RPS6KC1: variants seen among roughly 807,000 people sequenced by gnomAD.
The protein encoded by RPS6KC1 is ribosomal protein S6 kinase C1.
In RPS6KC1, 54 loss-of-function variants were observed where a neutral mutation model predicts 103.8. The ratio of observed to expected loss-of-function variants is 0.52; its 90% CI spans 0.42 to 0.65. RPS6KC1 has a LOEUF of 0.65. Ranked by LOEUF, RPS6KC1 falls within the 30% of genes least tolerant of loss-of-function variation. The pLI is 0.00. For synonymous variants in RPS6KC1, 439 were observed against 438.7 expected, an observed-to-expected ratio of 1.00 and a Z score of -0.01; for missense variants, 1,151 against 1,253.8, an observed-to-expected ratio of 0.92 and a Z score of 1.24.
At chr1:213,765,579 T>C in the RPS6KC1 span, among the ~76,000 whole-genome samples, 1 of 152,322 alleles carries the variant, frequency 6.6e-6, no homozygotes, top group South Asian at 2.1e-4. Flanking sequence ...AGTACAGCTC[T>C]GTCATAGACT....
the RPS6KC1 span, among the ~76,000 whole-genome samples, chr1:213,751,288 G>A: frequency 1.8e-4 from 27 of 152,048 alleles, no homozygotes; most frequent in Non-Finnish European, 2.6e-4. Flanking sequence ...TTACGTTGGT[G>A]GTGCATTTGC....
At chr1:213,612,454 C>T in the RPS6KC1 span, among the ~76,000 whole-genome samples, 1 of 152,210 alleles carries the variant, frequency 6.6e-6, no homozygotes, top group Admixed American at 6.5e-5. Context: ...AGTATAGTCT[C>T]AGTGGCTGGG....
the RPS6KC1 span, among the ~76,000 whole-genome samples, chr1:213,672,052 T>C: frequency 2.6e-5 from 4 of 152,170 alleles, no homozygotes; most frequent in African/African-American, 9.7e-5. Flanking sequence ...TCATTCTTAC[T>C]TCTACTATCC....
the RPS6KC1 span, among the ~76,000 whole-genome samples, chr1:213,505,250 C>A: frequency 6.6e-6 from 1 of 152,130 alleles, no homozygotes; most frequent in Admixed American, 6.5e-5. Context: ...AAAAGAACCA[C>A]CCAGACTACC....
At chr1:213,180,851 T>C (rs2092225168) in intron 8 of RPS6KC1, among the ~76,000 whole-genome samples, 2 of 152,178 alleles carry the variant, frequency 1.3e-5, no homozygotes, top group Admixed American at 6.5e-5. Context: ...AGAGTCTAGA[T>C]TGGTAGTTTG....
the RPS6KC1 span, among the ~76,000 whole-genome samples, chr1:213,623,539 A>G: frequency 1.3e-5 from 2 of 152,210 alleles, no homozygotes; most frequent in Non-Finnish European, 2.9e-5. Context: ...ATACATAAAT[A>G]GATAAGACCA....
the RPS6KC1 span, among the ~76,000 whole-genome samples, chr1:213,743,623 C>T: frequency 1.3e-5 from 2 of 152,226 alleles, no homozygotes; most frequent in Non-Finnish European, 2.9e-5. Context: ...GGCCATCAGA[C>T]ACTCCAAACA....
the RPS6KC1 span, among the ~76,000 whole-genome samples, chr1:213,489,606 A>G: frequency 6.6e-6 from 1 of 152,214 alleles, no homozygotes; most frequent in Non-Finnish European, 1.5e-5. Flanking sequence ...AGAGAGATAG[A>G]GGAACAAAAT....
chr1:213,151,783 ACC>A (rs528454722), intron 6 of RPS6KC1, among the ~76,000 whole-genome samples: 10 of 89,986 alleles, frequency 1.1e-4, no homozygotes, highest in East Asian at 3.5e-4. Flanking sequence ...CGGGGGGCTG[ACC>A]CCCCCCACCT....
In RPS6KC1 at chr1:213,230,589, C is replaced by T. The variant is rs556300788; in HGVS notation, c.1092+45C>T. The T allele has an allele frequency of 7.8e-5, 114 of 1,457,794 alleles. No homozygotes were observed. In the South Asian group the frequency reaches 1.3e-3, roughly 17 times the overall value. 90.3% of individuals were successfully genotyped at this position (1,457,794 alleles called of 1,614,324 possible). A position where few individuals can be genotyped will look rare whatever the true frequency, so the allele number is the denominator to read the frequency against. On this transcript the variant is annotated intron_variant, in intron 9 of 14. Coordinates refer to ENST00000366960, the MANE Select transcript of RPS6KC1 (RefSeq NM_012424.6). ...AGGCGCGGTGCCTATAATTCCAGCACTTTGGGAGACTGAGATAGGCAGGTC... is the reference window on the plus strand; with the variant it reads ...AGGCGCGGTGCCTATAATTCCAGCATTTTGGGAGACTGAGATAGGCAGGTC...
At chr1:213,471,761 T>G in the RPS6KC1 span, among the ~76,000 whole-genome samples, 33 of 148,440 alleles carry the variant, frequency 2.2e-4, no homozygotes, top group African/African-American at 7.0e-4. Flanking sequence ...TTTTTTTTTT[T>G]GGATTATGGA....
chr1:213,551,875 A>C, the RPS6KC1 span, among the ~76,000 whole-genome samples: 2 of 152,104 alleles, frequency 1.3e-5, no homozygotes, highest in East Asian at 3.9e-4. Flanking sequence ...TTCTCCCACT[A>C]ACTTCTGGCA....
chr1:213,098,381 A>T (rs1242191670), intron 3 of RPS6KC1, among the ~76,000 whole-genome samples: 1 of 148,354 alleles, frequency 6.7e-6, no homozygotes, highest in Non-Finnish European at 1.5e-5. Flanking sequence ...GGCTCAACTG[A>T]TCAGCCCGCC....
At chr1:213,651,292 C>A in the RPS6KC1 span, among the ~76,000 whole-genome samples, 6,513 of 152,180 alleles carry the variant, frequency 0.043, 294 homozygotes, top group African/African-American at 0.11. Flanking sequence ...GGCTGGGCAC[C>A]TGGTGGGGGA....
At chr1:213,811,298 G>A in the RPS6KC1 span, among the ~76,000 whole-genome samples, 1 of 152,166 alleles carries the variant, frequency 6.6e-6, no homozygotes, top group African/African-American at 2.4e-5. Flanking sequence ...AGAATTGAAC[G>A]TGGCGGGGCT....
chr1:213,172,128 C>T (rs2091518438), intron 7 of RPS6KC1, among the ~76,000 whole-genome samples: 1 of 152,164 alleles, frequency 6.6e-6, no homozygotes, highest in Admixed American at 6.5e-5. Context: ...CCTACTGAAT[C>T]AGTATCTTCT....
the RPS6KC1 span, among the ~76,000 whole-genome samples, chr1:213,356,580 T>C: frequency 6.6e-6 from 1 of 152,148 alleles, no homozygotes; most frequent in Non-Finnish European, 1.5e-5. Context: ...CACTTGAACC[T>C]GAGAGGTGGA....
At chr1:213,774,633 T>C in the RPS6KC1 span, among the ~76,000 whole-genome samples, 4 of 152,168 alleles carry the variant, frequency 2.6e-5, no homozygotes, top group Non-Finnish European at 5.9e-5. Flanking sequence ...ATGGCAGGCA[T>C]TAAAAAGACA....
chr1:213,340,797 T>G, the RPS6KC1 span, among the ~76,000 whole-genome samples: 2 of 152,180 alleles, frequency 1.3e-5, no homozygotes, highest in Non-Finnish European at 2.9e-5. Flanking sequence ...CTGTGGAAAC[T>G]TCCTGTGAAT....
Sources: gnomAD v4.1 joint callset for allele counts (sites outside exome capture counted in the v4.1 genomes callset) on GRCh38, gnomAD v4.1.1 for gene constraint, MANE v1.5 for transcripts, NCBI Gene and HGNC (gene_info 2026-07-23, HGNC 2026-07-21) for gene names.